PDE11A: variants seen among roughly 807,000 people sequenced by gnomAD.
PDE11A encodes phosphodiesterase 11A, also known as dual 3',5'-cyclic-AMP and -GMP phosphodiesterase 11A.
PDE11A carries 100 observed loss-of-function variants against 100.5 expected under a neutral mutation model. That is an observed-to-expected ratio of 1.00 (90% CI 0.85 to 1.18). The LOEUF is 1.18. Ranked by LOEUF, PDE11A falls within the 50% of genes most tolerant of loss-of-function variation. PDE11A has a pLI of 0.00. For missense variants in PDE11A, 1,141 were observed against 1,152.6 expected, an observed-to-expected ratio of 0.99 and a Z score of 0.15; for synonymous variants, 381 against 420.8, an observed-to-expected ratio of 0.91 and a Z score of 1.16.
intron 2 of PDE11A, among the ~76,000 whole-genome samples, chr2:177,940,321 T>A (rs1458121366): frequency 6.6e-6 from 1 of 152,232 alleles, no homozygotes; most frequent in Non-Finnish European, 1.5e-5. Context: ...AATCAACCTA[T>A]TTGTTGTTGG....
At chr2:177,761,040 A>C (rs142025692) in intron 10 of PDE11A, among the ~76,000 whole-genome samples, 82 of 152,332 alleles carry the variant, frequency 5.4e-4, no homozygotes, top group African/African-American at 1.8e-3. Context: ...ATAGGTTTAA[A>C]AAAATTTAGT....
At chr2:177,715,895 C>T (rs2081430541) in intron 12 of PDE11A, among the ~76,000 whole-genome samples, 1 of 152,206 alleles carries the variant, frequency 6.6e-6, no homozygotes, top group Non-Finnish European at 1.5e-5. Flanking sequence ...ACTCACTGTG[C>T]ACCAGTGTAT....
chr2:177,750,582 G>C (rs556771816), intron 10 of PDE11A, among the ~76,000 whole-genome samples: 46 of 152,346 alleles, frequency 3.0e-4, no homozygotes, highest in Non-Finnish European at 4.7e-4. Context: ...AGGCAAGCAT[G>C]TGCTTAGACT....
intron 2 of PDE11A, among the ~76,000 whole-genome samples, chr2:177,948,373 C>A (rs2085469409): frequency 6.6e-6 from 1 of 152,080 alleles, no homozygotes; most frequent in Admixed American, 6.5e-5. Flanking sequence ...CTGTCGAATT[C>A]TTTTCTAGAA....
rs764168248 is a variant in PDE11A at position 177,624,294 on chromosome 2, A to G, written c.*5113T>C. ...TTTTTCAGCCAAGGCATTTTTCTTT[A>G]TATTTAAATCTTTCCCTAGTATGTC... On this transcript the variant is annotated 3_prime_UTR_variant, in exon 20 of 20. Transcript: ENST00000286063. 1 of 120,518 alleles carries G rather than the reference A, an allele frequency of 8.3e-6. No homozygotes were observed. Among genetic ancestry groups the G allele is most frequent in the East Asian group, 2.4e-4 (1 of 4,248 alleles). 7.5% of individuals were successfully genotyped at this position (120,518 alleles called of 1,614,324 possible). A position where few individuals can be genotyped will look rare whatever the true frequency, so the allele number is the denominator to read the frequency against.
At chr2:177,937,213 T>C (rs114613004) in intron 2 of PDE11A, among the ~76,000 whole-genome samples, 2,826 of 152,188 alleles carry the variant, frequency 0.019, 91 homozygotes, top group African/African-American at 0.064. Context: ...TGATACACTA[T>C]ATGGTCACTC....
intron 1 of PDE11A, among the ~76,000 whole-genome samples, chr2:178,107,738 T>C (rs1157331765): frequency 6.7e-6 from 1 of 149,782 alleles, no homozygotes; most frequent in Admixed American, 6.7e-5. Flanking sequence ...TTTTTTTTTT[T>C]TGAGACGGAG....
At chr2:177,722,267 T>C (rs1337949850) in intron 12 of PDE11A, among the ~76,000 whole-genome samples, 1 of 152,186 alleles carries the variant, frequency 6.6e-6, no homozygotes, top group Non-Finnish European at 1.5e-5. Context: ...TCATACACTT[T>C]TACAATTTAC....
chr2:177,758,055 C>T (rs1261045981), intron 10 of PDE11A, among the ~76,000 whole-genome samples: 3 of 151,318 alleles, frequency 2.0e-5, no homozygotes, highest in South Asian at 2.1e-4. Flanking sequence ...CCAGCACTTT[C>T]GGAGGCCGAA....
intron 9 of PDE11A, among the ~76,000 whole-genome samples, chr2:177,780,268 T>C (rs1291130295): frequency 6.6e-6 from 1 of 152,176 alleles, no homozygotes; most frequent in Non-Finnish European, 1.5e-5. Flanking sequence ...TTTTATTTTT[T>C]AGACAGGGAA....
chr2:178,099,717 A>C (rs1346079079), intron 2 of PDE11A, among the ~76,000 whole-genome samples: 1 of 152,158 alleles, frequency 6.6e-6, no homozygotes, highest in Non-Finnish European at 1.5e-5. Context: ...TCCTCAAAAA[A>C]TTAGACACAG....
intron 2 of PDE11A, among the ~76,000 whole-genome samples, chr2:177,986,200 A>C (rs1313959853): frequency 6.6e-6 from 1 of 152,160 alleles, no homozygotes; most frequent in Non-Finnish European, 1.5e-5. Flanking sequence ...GACCTTCAGG[A>C]AAGTGGGGAT....
chr2:177,645,846 A>G (rs954934232), intron 19 of PDE11A, among the ~76,000 whole-genome samples: 2 of 152,222 alleles, frequency 1.3e-5, no homozygotes, highest in South Asian at 2.1e-4. Context: ...TAATTATACT[A>G]TTAGTAATAA....
At position 177,964,331 on chromosome 2, in the gene PDE11A, T is replaced by A. The variant is rs2085671452; in HGVS notation, c.1071+49971A>T. ...TCTCCGAGTTAATCATATTAAACTTTTAGCTATTTAGTTGATTATGTATTT... is the reference window on the plus strand; with the variant it reads ...TCTCCGAGTTAATCATATTAAACTTATAGCTATTTAGTTGATTATGTATTT... On this transcript the variant is annotated intron_variant, in intron 2 of 19. Transcript: ENST00000286063. Among the ~76,000 whole-genome samples, 5 of 152,218 alleles carry A rather than the reference T, an allele frequency of 3.3e-5. No homozygotes were observed. In the South Asian group the frequency reaches 1.0e-3, roughly 32 times the overall value.
chr2:177,936,638 T>G (rs1024169780), intron 2 of PDE11A, among the ~76,000 whole-genome samples: 1 of 152,180 alleles, frequency 6.6e-6, no homozygotes, highest in Non-Finnish European at 1.5e-5. Context: ...TTAAGGAATA[T>G]GGCCAGGTGC....
intron 10 of PDE11A, among the ~76,000 whole-genome samples, chr2:177,744,326 C>T (rs1378822002): frequency 7.1e-6 from 1 of 140,296 alleles, no homozygotes; most frequent in African/African-American, 2.6e-5. Flanking sequence ...TTGGACCTCT[C>T]TGATTGTTTC....
In PDE11A at chr2:177,680,867, T is replaced by G. The variant is rs374252019; in HGVS notation, c.2382A>C (p.Gly794=). The G allele has an allele frequency of 8.1e-6, 13 of 1,595,624 alleles. No individual in the cohort carries two copies. The highest frequency in any genetic ancestry group is 1.3e-5 in the African/African-American group (1 of 74,472). ...GGTTTTTGATGTTCCAATCGTATTCTCCTTTACTGACAAGTTCAAAGAATT... is the reference window on the plus strand; with the variant it reads ...GGTTTTTGATGTTCCAATCGTATTCGCCTTTACTGACAAGTTCAAAGAATT... ...RTEFFELVSK[G]EYDWNIKNHR... Residue 794 remains glycine (G), a synonymous_variant, in exon 16 of 20, where the codon GGA becomes GGC. Transcript: ENST00000286063.
intron 10 of PDE11A, among the ~76,000 whole-genome samples, chr2:177,732,664 A>G (rs773452360): frequency 2.6e-5 from 4 of 152,206 alleles, no homozygotes; most frequent in Non-Finnish European, 4.4e-5. Flanking sequence ...TTTTTTCATT[A>G]TGAAGTGTTA....
At chr2:177,664,505 A>G (rs2080538876) in intron 18 of PDE11A, among the ~76,000 whole-genome samples, 1 of 152,126 alleles carries the variant, frequency 6.6e-6, no homozygotes, top group African/African-American at 2.4e-5. Flanking sequence ...TGTATGGATG[A>G]TGGTGGGTGG....
Sources: gnomAD v4.1 joint callset for allele counts (sites outside exome capture counted in the v4.1 genomes callset) on GRCh38, gnomAD v4.1.1 for gene constraint, MANE v1.5 for transcripts, NCBI Gene and HGNC (gene_info 2026-07-23, HGNC 2026-07-21) for gene names.